The following ABL2 variants were observed in gnomAD, a reference collection of about 807,000 sequenced individuals.
ABL2 encodes ABL proto-oncogene 2, non-receptor tyrosine kinase.
ABL2 carries 49 observed loss-of-function variants against 107.7 expected under a neutral mutation model. The ratio of observed to expected loss-of-function variants is 0.45; its 90% confidence interval spans 0.36 to 0.58. The LOEUF (loss-of-function observed/expected upper bound fraction) is 0.58, where lower values mean the gene tolerates loss of function less well. Ranked by LOEUF, ABL2 falls within the 20% of genes least tolerant of loss-of-function variation. The probability of loss-of-function intolerance (pLI) is 0.00; values close to 1 mark genes in which losing one functional copy is unlikely to be tolerated. For missense variants in ABL2, 1,245 were observed against 1,457.0 expected, an observed-to-expected ratio of 0.85 and a Z score of 2.37; for synonymous variants, 549 against 548.6, an observed-to-expected ratio of 1.00 and a Z score of -0.01.
chr1:179,179,120 C>T (rs1435500403), intron 1 of ABL2, among the ~76,000 whole-genome samples: 1 of 152,122 alleles, frequency 6.6e-6, no homozygotes, highest in Non-Finnish European at 1.5e-5. Context: ...TTTAATGAGT[C>T]ACCAGTTTAA....
intron 1 of ABL2, among the ~76,000 whole-genome samples, chr1:179,216,947 G>A (rs910771351): frequency 7.2e-5 from 11 of 151,922 alleles, no homozygotes; most frequent in Non-Finnish European, 1.6e-4. Context: ...CACCCATAGT[G>A]CTGGGATTGC....
chr1:179,121,609 C>G lies in ABL2; in HGVS notation c.946G>C (p.Val316Leu), dbSNP rs1349682372. Residue 316 changes from valine to leucine, a missense_variant, in exon 5 of 12, where the codon GTG (valine) becomes CTG (leucine). Coordinates refer to ENST00000502732, the MANE Select transcript of ABL2 (RefSeq NM_007314.4). ...VWKKYSLTVA[V>L]KTLKEDTMEV... ...CAGCAACCCACCTTCAATGTTTTCA[C>G]AGCAACTGTAAGGCTGTATTTCTTC... 2 of 1,612,846 alleles carry G rather than the reference C, an allele frequency of 1.2e-6. No homozygotes were observed. The highest frequency in any genetic ancestry group is 1.7e-6 in the Non-Finnish European group (2 of 1,178,936).
At chr1:179,180,300 A>C (rs1039275634) in intron 1 of ABL2, among the ~76,000 whole-genome samples, 1 of 152,156 alleles carries the variant, frequency 6.6e-6, no homozygotes, top group African/African-American at 2.4e-5. Context: ...TTGGGACCTC[A>C]CTCTGAAGAT....
chr1:179,217,071 G>A (rs1206326011), intron 1 of ABL2, among the ~76,000 whole-genome samples: 2 of 151,576 alleles, frequency 1.3e-5, no homozygotes, highest in Admixed American at 6.6e-5. Context: ...CAAGGCAGGC[G>A]GATCACTTGA....
intron 1 of ABL2, among the ~76,000 whole-genome samples, chr1:179,150,875 T>C (rs1211919127): frequency 1.3e-5 from 2 of 152,072 alleles, no homozygotes. Flanking sequence ...CTTCCCAACT[T>C]CCCAACTTCC....
At chr1:179,155,128 C>G (rs951519264) in intron 1 of ABL2, among the ~76,000 whole-genome samples, 1 of 152,200 alleles carries the variant, frequency 6.6e-6, no homozygotes, top group African/African-American at 2.4e-5. Context: ...TTCACTATAC[C>G]AGGCTGCCTC....
intron 1 of ABL2, among the ~76,000 whole-genome samples, chr1:179,224,055 T>C (rs992565905): frequency 7.7e-6 from 1 of 130,452 alleles, no homozygotes; most frequent in Non-Finnish European, 1.5e-5. Flanking sequence ...CACTTGAGTC[T>C]GGGAGGTCAA....
chr1:179,209,193 C>A (rs1662139706), intron 1 of ABL2, among the ~76,000 whole-genome samples: 1 of 152,154 alleles, frequency 6.6e-6, no homozygotes, highest in African/African-American at 2.4e-5. Flanking sequence ...GGTTATAAGA[C>A]CCTCATTCCA....
At chr1:179,141,440 G>A (rs1317117924) in intron 1 of ABL2, among the ~76,000 whole-genome samples, 1 of 152,172 alleles carries the variant, frequency 6.6e-6, no homozygotes, top group East Asian at 1.9e-4. Context: ...TGAAAGTTGT[G>A]TTATCTGACA....
intron 1 of ABL2, among the ~76,000 whole-genome samples, chr1:179,203,574 AT>A (rs757191709): frequency 1.1e-4 from 17 of 152,270 alleles, no homozygotes; most frequent in Admixed American, 5.2e-4. Context: ...GAAAAAAAAA[AT>A]AACCTCTATT....
chr1:179,139,819 T>C (rs1657402746), intron 1 of ABL2, among the ~76,000 whole-genome samples: 1 of 152,186 alleles, frequency 6.6e-6, no homozygotes, highest in Non-Finnish European at 1.5e-5. Flanking sequence ...TACTGTGAAC[T>C]GCTCAAGCAA....
At chr1:179,213,864 G>A (rs1197397962) in intron 1 of ABL2, among the ~76,000 whole-genome samples, 2 of 152,160 alleles carry the variant, frequency 1.3e-5, no homozygotes, top group Non-Finnish European at 2.9e-5. Context: ...AGGATTGTTT[G>A]AGCCCAGGAG....
At chr1:179,227,380 C>G (rs981906383) in intron 1 of ABL2, among the ~76,000 whole-genome samples, 1 of 152,324 alleles carries the variant, frequency 6.6e-6, no homozygotes, top group South Asian at 2.1e-4. Context: ...TGTCTCCTCA[C>G]TAGCCCATCA....
chr1:179,174,895 C>CAAA (rs1161355678), intron 1 of ABL2, among the ~76,000 whole-genome samples: 17 of 33,632 alleles, frequency 5.1e-4, no homozygotes, highest in East Asian at 3.3e-3. Context: ...GACTCTGTCT[C>CAAA]AAAAAAAAAA....
intron 1 of ABL2, among the ~76,000 whole-genome samples, chr1:179,134,516 C>T (rs1188663601): frequency 6.6e-6 from 1 of 152,154 alleles, no homozygotes; most frequent in Non-Finnish European, 1.5e-5. Flanking sequence ...CAAAAGTTTC[C>T]TCCGAGGCCT....
chr1:179,210,605 A>G (rs1662219209), intron 1 of ABL2, among the ~76,000 whole-genome samples: 1 of 151,738 alleles, frequency 6.6e-6, no homozygotes, highest in South Asian at 2.1e-4. Context: ...CTATAATCCC[A>G]GCACTTTGAG....
rs1478591769 is a variant in ABL2, at chr1:179,108,547, T to C, written c.2720A>G (p.Asp907Gly). 2 of 1,614,136 alleles carry C rather than the reference T, an allele frequency of 1.2e-6. No individual in the cohort carries two copies. The highest frequency in any genetic ancestry group is 8.5e-7 in the Non-Finnish European group (1 of 1,180,012). The change falls in exon 12 of 12, where the codon GAT becomes GGT. Residue 907 changes from aspartate (D) to glycine (G), a missense_variant. Coordinates refer to ENST00000502732, the MANE Select transcript of ABL2 (RefSeq NM_007314.4). Reference protein sequence around the residue: ...ARLGMAGVPEDGEQPGWPSPA... With the variant: ...ARLGMAGVPEGGEQPGWPSPA... ...AGAAGGCCAGCCCGGCTGCTCTCCATCCTCTGGAACTCCAGCCATCCCAAG... is the reference window on the plus strand; with the variant it reads ...AGAAGGCCAGCCCGGCTGCTCTCCACCCTCTGGAACTCCAGCCATCCCAAG...
chr1:179,121,387 C>G (rs1655180625), intron 5 of ABL2, among the ~76,000 whole-genome samples: 1 of 152,218 alleles, frequency 6.6e-6, no homozygotes, highest in African/African-American at 2.4e-5. Context: ...ACAGACCTTT[C>G]CCACATGTGG....
intron 1 of ABL2, among the ~76,000 whole-genome samples, chr1:179,215,106 G>A (rs186318125): frequency 2.6e-4 from 39 of 151,522 alleles, no homozygotes; most frequent in Non-Finnish European, 4.9e-4. Flanking sequence ...GTTGCAATGA[G>A]CCGAGATCAT....
Sources: gnomAD v4.1 joint callset for allele counts (sites outside exome capture counted in the v4.1 genomes callset) on GRCh38, gnomAD v4.1.1 for gene constraint, MANE v1.5 for transcripts, NCBI Gene and HGNC (gene_info 2026-07-23, HGNC 2026-07-21) for gene names.